The following RNF180 variants were observed in gnomAD, a reference collection of about 807,000 sequenced individuals.
RNF180 encodes ring finger protein 180, also known as E3 ubiquitin-protein ligase RNF180.
RNF180 carries 38 observed loss-of-function variants against 59.2 expected under a neutral mutation model. The ratio of observed to expected loss-of-function variants is 0.64; its 90% confidence interval spans 0.50 to 0.84. RNF180 has a LOEUF of 0.84. Among genes scored for constraint, RNF180 ranks in the 40% least tolerant of loss-of-function variants. The pLI is 0.00. For synonymous variants in RNF180, 262 were observed against 240.3 expected (o/e 1.09, Z -0.84); for missense variants, 705 against 700.9 (o/e 1.01, Z -0.07).
At chr5:64,226,533 G>A (rs902211376) in intron 5 of RNF180, among the ~76,000 whole-genome samples, 13 of 152,226 alleles carry the variant, frequency 8.5e-5, no homozygotes, top group Admixed American at 6.5e-4. Context: ...GCTGAAGGCC[G>A]CAGGGACCTC....
chr5:64,323,774 G>A (rs761754733), intron 5 of RNF180, among the ~76,000 whole-genome samples: 1 of 152,120 alleles, frequency 6.6e-6, no homozygotes, highest in Admixed American at 6.5e-5. Flanking sequence ...AATGTATTAA[G>A]TGGATTACCC....
At chr5:64,313,926 A>G (rs1231421669) in intron 5 of RNF180, among the ~76,000 whole-genome samples, 1 of 151,902 alleles carries the variant, frequency 6.6e-6, no homozygotes, top group Admixed American at 6.6e-5. Context: ...CATTTTTTCA[A>G]ATGCTTTTTG....
intron 7 of RNF180, among the ~76,000 whole-genome samples, chr5:64,340,601 ATGCTGTAGACATGGGAC>A (rs1194509289): frequency 6.6e-6 from 1 of 152,252 alleles, no homozygotes. Context: ...AATTTAAAAT[ATGCTGTAGACATGGGAC>A]TGCCTTGGAG....
chr5:64,352,262 T>A (rs1745845574), intron 7 of RNF180, among the ~76,000 whole-genome samples: 1 of 152,096 alleles, frequency 6.6e-6, no homozygotes. Context: ...CCTTTATCAT[T>A]TTTTATTGCA....
At chr5:64,336,680 T>G (rs1185414469) in intron 7 of RNF180, among the ~76,000 whole-genome samples, 1 of 152,252 alleles carries the variant, frequency 6.6e-6, no homozygotes, top group Non-Finnish European at 1.5e-5. Context: ...GATAATAGTT[T>G]AAGGTCATTT....
intron 7 of RNF180, among the ~76,000 whole-genome samples, chr5:64,332,833 A>G (rs1681308792): frequency 1.3e-5 from 2 of 152,184 alleles, no homozygotes; most frequent in Admixed American, 6.5e-5. Context: ...TCTTCAGGGA[A>G]CAGGAGGAAC....
At chr5:64,269,797 A>G (rs1744903978) in intron 5 of RNF180, among the ~76,000 whole-genome samples, 1 of 152,120 alleles carries the variant, frequency 6.6e-6, no homozygotes, top group Admixed American at 6.6e-5. Context: ...CATGTATTTG[A>G]AACAATGTAT....
intron 1 of RNF180, among the ~76,000 whole-genome samples, chr5:64,184,265 T>C (rs1444890018): frequency 6.6e-6 from 1 of 152,224 alleles, no homozygotes; most frequent in Non-Finnish European, 1.5e-5. Context: ...TACTTTGTTA[T>C]GGTAGTACTA....
intron 6 of RNF180, among the ~76,000 whole-genome samples, chr5:64,327,285 A>G (rs1194255096): frequency 6.6e-6 from 1 of 151,634 alleles, no homozygotes; most frequent in African/African-American, 2.4e-5. Flanking sequence ...AATTTCATTT[A>G]TTTCTACTCT....
intron 5 of RNF180, among the ~76,000 whole-genome samples, chr5:64,254,613 A>T (rs1282899221): frequency 6.6e-6 from 1 of 152,150 alleles, no homozygotes; most frequent in African/African-American, 2.4e-5. Context: ...CCATACTATT[A>T]ATAAAAATAT....
At chr5:64,194,454 A>G (rs1160659606) in intron 1 of RNF180, among the ~76,000 whole-genome samples, 1 of 152,164 alleles carries the variant, frequency 6.6e-6, no homozygotes, top group African/African-American at 2.4e-5. Context: ...GAATAGTGCC[A>G]CAATAAACAT....
intron 7 of RNF180, among the ~76,000 whole-genome samples, chr5:64,331,937 A>G (rs1418371139): frequency 6.6e-6 from 1 of 152,024 alleles, no homozygotes; most frequent in Non-Finnish European, 1.5e-5. Context: ...CCACAGCAGA[A>G]GCCGCATGAA....
At chr5:64,330,166 A>G in intron 6 of RNF180, 115 bp from the exon 7 acceptor site, 1 of 725,526 alleles carries the variant, frequency 1.4e-6, no homozygotes, top group Non-Finnish European at 2.3e-6. Context: ...TCACTGACTT[A>G]AAGAGGTGTG....
chr5:64,328,752 A>G (rs7722363), intron 6 of RNF180, among the ~76,000 whole-genome samples: 43,377 of 152,124 alleles, frequency 0.29, 6,405 homozygotes, highest in African/African-American at 0.35. Context: ...AAATCAACCC[A>G]AGGCAGTGAT....
chr5:64,357,941 G>A (rs1485789172), intron 7 of RNF180, among the ~76,000 whole-genome samples: 1 of 151,820 alleles, frequency 6.6e-6, no homozygotes, highest in Non-Finnish European at 1.5e-5. Context: ...ATATCAACTT[G>A]TAGATTTTCT....
intron 5 of RNF180, among the ~76,000 whole-genome samples, chr5:64,231,742 T>A (rs1269947961): frequency 1.3e-5 from 2 of 152,176 alleles, no homozygotes; most frequent in African/African-American, 4.8e-5. Flanking sequence ...TTCTGTGCCA[T>A]CTCCTTGATG....
intron 5 of RNF180, among the ~76,000 whole-genome samples, chr5:64,228,507 C>T (rs894503776): frequency 6.6e-6 from 1 of 152,096 alleles, no homozygotes; most frequent in African/African-American, 2.4e-5. Context: ...GAACAATACC[C>T]TGTCTCAAAA....
chr5:64,238,446 T>C (rs1055962336), intron 5 of RNF180, among the ~76,000 whole-genome samples: 10 of 152,226 alleles, frequency 6.6e-5, no homozygotes, highest in Non-Finnish European at 2.9e-5. Flanking sequence ...CCATTTTTCA[T>C]TATCATCAAC....
intron 5 of RNF180, among the ~76,000 whole-genome samples, chr5:64,275,757 T>C (rs1177904950): frequency 1.3e-5 from 2 of 151,972 alleles, no homozygotes; most frequent in Non-Finnish European, 2.9e-5. Context: ...TGTCTGATGC[T>C]TTCTGAGCTA....
Sources: gnomAD v4.1 joint callset for allele counts (sites outside exome capture counted in the v4.1 genomes callset) on GRCh38, gnomAD v4.1.1 for gene constraint, MANE v1.5 for transcripts, NCBI Gene and HGNC (gene_info 2026-07-23, HGNC 2026-07-21) for gene names.